The following ERBB4 variants were observed in gnomAD, a reference collection of about 807,000 sequenced individuals.
ERBB4 encodes receptor tyrosine-protein kinase erbB-4.
Under a neutral mutation model 158.0 loss-of-function variants are expected in ERBB4, and 42 were observed. That is an observed-to-expected ratio of 0.27 (90% CI 0.21 to 0.34). The LOEUF is 0.34. Ranked by LOEUF, ERBB4 falls within the 10% of genes least tolerant of loss-of-function variation. The pLI is 1.00. For missense variants in ERBB4, 1,333 were observed against 1,624.1 expected (o/e 0.82, Z 3.08); for synonymous variants, 583 against 558.7 (o/e 1.04, Z -0.61).
intron 1 of ERBB4, among the ~76,000 whole-genome samples, chr2:212,312,416 C>T (rs1426426671): frequency 6.6e-6 from 1 of 150,818 alleles, no homozygotes; most frequent in East Asian, 2.0e-4. Flanking sequence ...TGTGTATTAT[C>T]CATCTTCCAA....
intron 2 of ERBB4, among the ~76,000 whole-genome samples, chr2:211,976,912 A>G (rs1280199360): frequency 6.6e-6 from 1 of 152,222 alleles, no homozygotes; most frequent in Non-Finnish European, 1.5e-5. Flanking sequence ...ATCAGTTTCT[A>G]TCTGTGTGAT....
chr2:211,945,704 G>A (rs2125133344), intron 3 of ERBB4, among the ~76,000 whole-genome samples: 1 of 152,052 alleles, frequency 6.6e-6, no homozygotes, highest in East Asian at 1.9e-4. Flanking sequence ...TTTAAATGTG[G>A]CATAATTTTG....
chr2:212,208,619 T>A (rs1464336302), intron 1 of ERBB4, among the ~76,000 whole-genome samples: 1 of 152,154 alleles, frequency 6.6e-6, no homozygotes, highest in East Asian at 1.9e-4. Flanking sequence ...AGTGAAGATC[T>A]TGAGGATGTT....
intron 1 of ERBB4, among the ~76,000 whole-genome samples, chr2:212,261,063 C>T (rs904944435): frequency 1.3e-5 from 2 of 152,142 alleles, no homozygotes; most frequent in Admixed American, 6.5e-5. Flanking sequence ...TTTGCTCCAA[C>T]AAAGCACATC....
At chr2:211,934,911 A>G (rs1048554433) in intron 3 of ERBB4, among the ~76,000 whole-genome samples, 2 of 135,454 alleles carry the variant, frequency 1.5e-5, no homozygotes, top group Admixed American at 7.9e-5. Context: ...TACACTAAGC[A>G]AAGTCTCATT....
intron 3 of ERBB4, among the ~76,000 whole-genome samples, chr2:211,816,540 C>CAAAAAAAAAAAAA: frequency 1.5e-5 from 1 of 65,888 alleles, no homozygotes; most frequent in Non-Finnish European, 2.9e-5. Flanking sequence ...GAGCCCGTCT[C>CAAAAAAAAAAAAA]AAAAAAAAAA....
rs71054137 is a variant in ERBB4 at position 211,721,620 on chromosome 2, C to CATATATATAT, written c.883+763_883+772dup. Among the ~76,000 whole-genome samples the CATATATATAT allele has an allele frequency of 4.5e-4, 60 of 131,888 alleles. 2 individuals carry two copies. Among genetic ancestry groups the CATATATATAT allele is most frequent in the African/African-American group, 1.7e-3 (56 of 32,084 alleles). The allele number at this position is 131,888 out of a possible 152,430, so 86.5% of individuals were successfully genotyped here. On this transcript the variant is annotated intron_variant, in intron 7 of 27. Coordinates refer to ENST00000342788, the MANE Select transcript of ERBB4 (RefSeq NM_005235.3). Reference sequence around the variant, plus strand: ...TATTTAAGGTTAATTTGCTATTAAACATATATATATATATATATATATATA... The same window carrying CATATATATAT: ...TATTTAAGGTTAATTTGCTATTAAACATATATATATATATATATATATATATATATATATA...
chr2:211,578,031 T>C (rs754395756), intron 19 of ERBB4, among the ~76,000 whole-genome samples: 27 of 151,124 alleles, frequency 1.8e-4, no homozygotes, highest in Admixed American at 2.0e-4. Context: ...CTGTAGATAA[T>C]ATGATCCCAC....
intron 1 of ERBB4, among the ~76,000 whole-genome samples, chr2:212,507,725 T>C (rs1691272427): frequency 6.6e-6 from 1 of 152,206 alleles, no homozygotes. Context: ...AATTGCTTCT[T>C]ATGGATGAAC....
intron 17 of ERBB4, among the ~76,000 whole-genome samples, chr2:211,628,532 G>A (rs1230736012): frequency 6.6e-6 from 1 of 152,250 alleles, no homozygotes; most frequent in East Asian, 1.9e-4. Flanking sequence ...GTATTCCATG[G>A]TGTATATGTG....
intron 2 of ERBB4, among the ~76,000 whole-genome samples, chr2:211,982,820 T>G (rs1055248813): frequency 3.9e-5 from 6 of 152,324 alleles, no homozygotes; most frequent in African/African-American, 7.2e-5. Flanking sequence ...ATAATATTAG[T>G]CATATAAAAA....
intron 1 of ERBB4, among the ~76,000 whole-genome samples, chr2:212,209,898 C>T (rs2082878622): frequency 6.6e-6 from 1 of 152,082 alleles, no homozygotes; most frequent in Non-Finnish European, 1.5e-5. Context: ...ACCCTTTCCT[C>T]ATTCAAACCA....
chr2:212,036,755 C>CA (rs2077024076), intron 2 of ERBB4, among the ~76,000 whole-genome samples: 3 of 152,144 alleles, frequency 2.0e-5, no homozygotes, highest in African/African-American at 7.2e-5. Flanking sequence ...TGAGCCACCG[C>CA]ATGCCCGGCC....
At chr2:212,240,781 C>A (rs1280218419) in intron 1 of ERBB4, among the ~76,000 whole-genome samples, 1 of 151,344 alleles carries the variant, frequency 6.6e-6, no homozygotes, top group Non-Finnish European at 1.5e-5. Flanking sequence ...TATTTGTCCA[C>A]AACTGTCCCT....
At chr2:211,962,824 AG>A (rs1295884878) in intron 2 of ERBB4, among the ~76,000 whole-genome samples, 1 of 152,128 alleles carries the variant, frequency 6.6e-6, no homozygotes, top group East Asian at 1.9e-4. Context: ...TTAGCTTGGG[AG>A]ACTTGGTTGA....
At chr2:211,910,044 C>T (rs2125052412) in intron 3 of ERBB4, among the ~76,000 whole-genome samples, 1 of 151,476 alleles carries the variant, frequency 6.6e-6, no homozygotes, top group East Asian at 2.0e-4. Context: ...CTCAGCCTCC[C>T]AAGTAGCTGG....
chr2:211,597,224 T>C (rs1163747931), intron 19 of ERBB4, among the ~76,000 whole-genome samples: 4 of 152,188 alleles, frequency 2.6e-5, no homozygotes, highest in African/African-American at 9.7e-5. Flanking sequence ...TTATTGTCTA[T>C]GGCATATATG....
At chr2:211,430,372 C>T (rs1574475735) in intron 21 of ERBB4, among the ~76,000 whole-genome samples, 1 of 152,034 alleles carries the variant, frequency 6.6e-6, no homozygotes, top group Admixed American at 6.6e-5. Flanking sequence ...TGAGGAAATA[C>T]AAGACATGGG....
chr2:211,641,381 C>T (rs985733805), intron 16 of ERBB4, among the ~76,000 whole-genome samples: 2 of 151,864 alleles, frequency 1.3e-5, no homozygotes, highest in Non-Finnish European at 2.9e-5. Flanking sequence ...TTTTTACTGA[C>T]CTTTTGAGAT....
Sources: gnomAD v4.1 joint callset for allele counts (sites outside exome capture counted in the v4.1 genomes callset) on GRCh38, gnomAD v4.1.1 for gene constraint, MANE v1.5 for transcripts, NCBI Gene and HGNC (gene_info 2026-07-23, HGNC 2026-07-21) for gene names.